ACAD9: variants seen among roughly 807,000 people sequenced by gnomAD.
ACAD9 encodes complex I assembly factor ACAD9, mitochondrial.
ACAD9 carries 53 observed loss-of-function variants against 70.2 expected under a neutral mutation model. The ratio of observed to expected loss-of-function variants is 0.75; its 90% CI spans 0.61 to 0.95. The LOEUF is 0.95. Among genes scored for constraint, ACAD9 ranks in the 40% least tolerant of loss-of-function variants. The pLI is 0.00. For synonymous variants in ACAD9, 313 were observed against 312.1 expected, an observed-to-expected ratio of 1.00 and a Z score of -0.03; for missense variants, 777 against 802.8, an observed-to-expected ratio of 0.97 and a Z score of 0.39.
intron 3 of ACAD9, among the ~76,000 whole-genome samples, chr3:128,894,324 G>A (rs1287292860): frequency 6.6e-6 from 1 of 152,142 alleles, no homozygotes; most frequent in African/African-American, 2.4e-5. Flanking sequence ...GAGTCCTCTG[G>A]ATACTGGGCA....
At chr3:128,886,567 G>GCCCA (rs1194254984) in intron 2 of ACAD9, among the ~76,000 whole-genome samples, 2 of 151,842 alleles carry the variant, frequency 1.3e-5, no homozygotes, top group Non-Finnish European at 2.9e-5. Flanking sequence ...AATTAGCTGG[G>GCCCA]CGTGGTGGTA....
At position 128,912,671 on chromosome 3, in the gene ACAD9, T is replaced by TA. The variant is rs769954671; in HGVS notation, c.*65dup. The TA allele has an allele frequency of 7.3e-7, 1 of 1,371,948 alleles. No homozygotes were observed. Among genetic ancestry groups the TA allele is most frequent in the Non-Finnish European group, 1.0e-6 (1 of 959,808 alleles). 85.0% of individuals were successfully genotyped at this position (1,371,948 alleles called of 1,614,324 possible). A position where few individuals can be genotyped will look rare whatever the true frequency, so the allele number is the denominator to read the frequency against. On this transcript the variant is annotated 3_prime_UTR_variant, in exon 18 of 18. Coordinates refer to ENST00000308982, the MANE Select transcript of ACAD9 (RefSeq NM_014049.5). ...CCATGGCCCGTTGCTGGATGACTGT[T>TA]ACTCTTTTTTCAGAAGGTGTTGGGA...
chr3:128,908,390 G>C, intron 13 of ACAD9, 126 bp downstream of exon 13: 1 of 1,176,634 alleles, frequency 8.5e-7, no homozygotes, highest in Admixed American at 1.8e-5. Flanking sequence ...GCGCAGCCTT[G>C]TGGAGGGGAC....
Position 128,897,699 on chromosome 3 carries a change from A to C in ACAD9, c.622A>C (p.Asn208His), listed in dbSNP as rs1576339378. Residue 208 changes from asparagine (N) to histidine (H), a missense_variant, in exon 6 of 18, where the codon AAT becomes CAT. By Grantham distance (68) the Asn-to-His change is moderately conservative. Coordinates refer to ENST00000308982, the MANE Select transcript of ACAD9 (RefSeq NM_014049.5). ...TGAAGACAAGAAGCACTACATCCTCAATGGCTCCAAGGTAGGGTTCCTTCC... is the reference window on the plus strand; with the variant it reads ...TGAAGACAAGAAGCACTACATCCTCCATGGCTCCAAGGTAGGGTTCCTTCC... ...LSEDKKHYIL[N>H]GSKVWITNGG... 3 of 1,613,480 alleles carry C rather than the reference A, an allele frequency of 1.9e-6. No individual in the cohort carries two copies. Among genetic ancestry groups the C allele is most frequent in the Non-Finnish European group, 2.5e-6 (3 of 1,179,692 alleles).
intron 2 of ACAD9, among the ~76,000 whole-genome samples, chr3:128,889,668 A>G (rs1935360890): frequency 1.3e-5 from 2 of 152,128 alleles, no homozygotes; most frequent in Non-Finnish European, 1.5e-5. Flanking sequence ...TCCATGGTGC[A>G]TGTATTGGTA....
intron 1 of ACAD9, among the ~76,000 whole-genome samples, chr3:128,882,531 G>A (rs1935124879): frequency 6.6e-6 from 1 of 152,186 alleles, no homozygotes; most frequent in Non-Finnish European, 1.5e-5. Context: ...GCAGAAACAT[G>A]GGACATGATG....
chr3:128,893,509 A>G, intron 2 of ACAD9, 46 bp from the exon 3 acceptor site: 4 of 1,410,438 alleles, frequency 2.8e-6, no homozygotes, highest in Non-Finnish European at 4.0e-6. Flanking sequence ...TTATATTTGT[A>G]GAAACATAGC....
At chr3:128,893,380 G>C in intron 2 of ACAD9, 175 bp from the exon 3 acceptor site, 1 of 556,158 alleles carries the variant, frequency 1.8e-6, no homozygotes, top group Non-Finnish European at 3.2e-6. Context: ...AATTTTTCCT[G>C]GGCTCATTAC....
At chr3:128,894,304 C>A (rs1257171343) in intron 3 of ACAD9, among the ~76,000 whole-genome samples, 1 of 152,180 alleles carries the variant, frequency 6.6e-6, no homozygotes, top group Admixed American at 6.5e-5. Flanking sequence ...AGTGGAAAAG[C>A]TCTGTCCTGG....
At chr3:128,886,605 G>A (rs1235245381) in intron 2 of ACAD9, among the ~76,000 whole-genome samples, 1 of 151,734 alleles carries the variant, frequency 6.6e-6, no homozygotes, top group Non-Finnish European at 1.5e-5. Context: ...CTACTCAGGA[G>A]GCTGAGGCAG....
rs1369203243 is a variant in ACAD9 at position 128,902,537 on chromosome 3, C to T, written c.883-16C>T. 14 of 1,614,086 alleles carry T rather than the reference C, an allele frequency of 8.7e-6. No homozygotes were observed. In the Admixed American group the frequency reaches 1.2e-4, roughly 13 times the overall value. On this transcript the variant is annotated splice_polypyrimidine_tract_variant and intron_variant, in intron 8 of 17. Coordinates refer to ENST00000308982, the MANE Select transcript of ACAD9 (RefSeq NM_014049.5). The surrounding 1 kb of genome is among the most constrained non-coding windows in gnomAD (Gnocchi z 4.0). Reference sequence around the variant, plus strand: ...CCTCCTTCAGGGCCCCTGGGCTCTCCCTGTTCTCCCTGCAGGTGGCCATGA... The same window carrying T: ...CCTCCTTCAGGGCCCCTGGGCTCTCTCTGTTCTCCCTGCAGGTGGCCATGA...
intron 17 of ACAD9, 53 bp downstream of exon 17, chr3:128,910,866 T>C (rs186196906): frequency 4.4e-6 from 7 of 1,586,758 alleles, no homozygotes; most frequent in African/African-American, 1.3e-5. Context: ...TAGGCCCCTA[T>C]TGATGGTGAG....
Position 128,896,502 on chromosome 3 carries a change from C to G in ACAD9, c.520C>G (p.His174Asp). The stretch of plus-strand genomic sequence containing the variant: ...CTTGCCTAAACTGGCGTCCGGGGAG[C>G]ACATTGCAGCCTTCTGCCTCACGGA... ...KYLPKLASGEHIAAFCLTEPA... is the reference protein window; with the variant it reads ...KYLPKLASGEDIAAFCLTEPA... The change falls in exon 5 of 18, where the codon CAC becomes GAC. Residue 174 changes from histidine (H) to aspartate (D), a missense_variant. Coordinates refer to ENST00000308982, the MANE Select transcript of ACAD9 (RefSeq NM_014049.5). The G allele has an allele frequency of 6.2e-7, 1 of 1,614,210 alleles. No homozygotes were observed.
chr3:128,901,218 G>C, intron 7 of ACAD9, 58 bp from the exon 8 acceptor site: 1 of 1,502,524 alleles, frequency 6.7e-7, no homozygotes, highest in Non-Finnish European at 9.3e-7. Context: ...CCTGCTTGCA[G>C]GTCAGATGCA....
At chr3:128,899,167 A>G in intron 6 of ACAD9, 120 bp from the exon 7 acceptor site, 3 of 1,027,792 alleles carry the variant, frequency 2.9e-6, no homozygotes, top group Non-Finnish European at 4.5e-6. Flanking sequence ...TGCAGAGCCA[A>G]GGACCCTGCA....
At chr3:128,904,282 T>C (rs1006326586) in intron 10 of ACAD9, 104 bp from the exon 11 acceptor site, 2 of 1,604,828 alleles carry the variant, frequency 1.2e-6, no homozygotes, top group African/African-American at 2.7e-5. Context: ...GGCTTGCTTC[T>C]CTTGGGCATT....
intron 6 of ACAD9, among the ~76,000 whole-genome samples, 184 bp from the exon 7 acceptor site, chr3:128,899,103 C>G (rs534890187): frequency 6.6e-6 from 1 of 152,194 alleles, no homozygotes; most frequent in Admixed American, 6.5e-5. Flanking sequence ...AATCCTTGCT[C>G]TGGGGAAAGT....
chr3:128,880,548 CT>C (rs34401569), intron 1 of ACAD9, among the ~76,000 whole-genome samples: 74,126 of 145,616 alleles, frequency 0.51, 20,632 homozygotes, highest in African/African-American at 0.76. Context: ...GCCTGCCCGG[CT>C]TTTTTTTTTT....
rs572664485 is a variant in ACAD9 at position 128,908,106 on chromosome 3, G to A, written c.1279-79G>A. ...GGCAATGGGCAAGCAGGCAGTGGCCGGCTCTACCCAGCACACGTGGCACTA... is the reference window on the plus strand; with the variant it reads ...GGCAATGGGCAAGCAGGCAGTGGCCAGCTCTACCCAGCACACGTGGCACTA... On this transcript the variant is annotated intron_variant, in intron 12 of 17. Transcript: ENST00000308982. The A allele has an allele frequency of 5.8e-5, 80 of 1,367,886 alleles. No individual in the cohort carries two copies. The African/African-American group carries it at 7.6e-4, about 13-fold the overall frequency. The allele number at this position is 1,367,886 out of a possible 1,614,324, so 84.7% of individuals were successfully genotyped here. A position where few individuals can be genotyped will look rare whatever the true frequency, so the allele number is the denominator to read the frequency against.
Sources: gnomAD v4.1 joint callset for allele counts (sites outside exome capture counted in the v4.1 genomes callset) on GRCh38, gnomAD v4.1.1 for gene constraint, Gnocchi (gnomAD v3.1) non-coding constraint, MANE v1.5 for transcripts, NCBI Gene and HGNC (gene_info 2026-07-23, HGNC 2026-07-21) for gene names.